TMEM131: variants seen among roughly 807,000 people sequenced by gnomAD.
TMEM131 encodes transmembrane protein 131, also known as 2610524E03Rik.
TMEM131 carries 66 observed loss-of-function variants against 211.6 expected under a neutral mutation model. The observed-to-expected ratio is 0.31, with a 90% CI of 0.26 to 0.38. The LOEUF is 0.38. Among genes scored for constraint, TMEM131 ranks in the 10% least tolerant of loss-of-function variants. TMEM131 has a pLI of 1.00. For missense variants in TMEM131, 2,036 were observed against 2,299.3 expected, an observed-to-expected ratio of 0.89 and a Z score of 2.34; for synonymous variants, 844 against 841.3, an observed-to-expected ratio of 1.00 and a Z score of -0.06.
chr2:97,934,882 T>C lies in TMEM131; in HGVS notation c.188-7395A>G, dbSNP rs112506559. The stretch of plus-strand genomic sequence containing the variant: ...CAAAAATTAACTCAAAATACATCAC[T>C]GCTCTAAATTTAAAATGTAAAACTA... On this transcript the variant is annotated intron_variant, in intron 1 of 40. Transcript: ENST00000186436. 1.4e-3 allele frequency among the ~76,000 whole-genome samples: 214 copies of C among 152,230 alleles called. 1 individual carries two copies. Among genetic ancestry groups the C allele is most frequent in the African/African-American group, 4.9e-3 (203 of 41,558 alleles).
At chr2:97,891,974 A>G (rs1346405139) in intron 3 of TMEM131, among the ~76,000 whole-genome samples, 1 of 152,196 alleles carries the variant, frequency 6.6e-6, no homozygotes, top group Non-Finnish European at 1.5e-5. Context: ...TGCCTTAACC[A>G]GTAAAACTAT....
At chr2:97,838,526 C>T (rs536241078) in intron 7 of TMEM131, among the ~76,000 whole-genome samples, 5 of 141,446 alleles carry the variant, frequency 3.5e-5, no homozygotes, top group Non-Finnish European at 6.0e-5. Context: ...CTCACTGCAA[C>T]CTCTGCCTCC....
chr2:97,845,759 C>CAAAAA (rs59502408), intron 5 of TMEM131, among the ~76,000 whole-genome samples: 130 of 122,188 alleles, frequency 1.1e-3, no homozygotes, highest in African/African-American at 3.6e-3. Flanking sequence ...CAGAAAGTAG[C>CAAAAA]AAAAAAAAAA....
chr2:97,776,140 G>A (rs891053636), intron 31 of TMEM131, 122 bp from the exon 32 acceptor site: 71 of 969,538 alleles, frequency 7.3e-5, no homozygotes, highest in Middle Eastern at 3.5e-4. Flanking sequence ...TGCAAGCTCC[G>A]CCTCCCGGGT....
At chr2:97,883,657 T>C (rs1254823633) in intron 4 of TMEM131, among the ~76,000 whole-genome samples, 1 of 152,226 alleles carries the variant, frequency 6.6e-6, no homozygotes, top group Non-Finnish European at 1.5e-5. Flanking sequence ...TAGTCATGGT[T>C]GTGTTTAAAT....
At chr2:97,919,474 CATT>C (rs1384788573) in intron 2 of TMEM131, among the ~76,000 whole-genome samples, 1 of 152,146 alleles carries the variant, frequency 6.6e-6, no homozygotes, top group Non-Finnish European at 1.5e-5. Flanking sequence ...TTTTGCCTCT[CATT>C]GTTTCAGTCT....
chr2:97,990,828 T>C (rs1478911303), intron 1 of TMEM131, among the ~76,000 whole-genome samples: 1 of 152,222 alleles, frequency 6.6e-6, no homozygotes, highest in Non-Finnish European at 1.5e-5. Context: ...AGTTTTGTAC[T>C]GTGTTTTGCA....
chr2:97,857,717 A>C (rs1343279954), intron 5 of TMEM131, among the ~76,000 whole-genome samples: 1 of 152,164 alleles, frequency 6.6e-6, no homozygotes, highest in Non-Finnish European at 1.5e-5. Context: ...GTGTAATATG[A>C]TATAAATCAC....
rs368510706 is a variant in TMEM131, at chr2:97,884,013, GTTGT to G, written c.359+4035_359+4038del. Among the ~76,000 whole-genome samples the G allele has an allele frequency of 1.6e-3, 242 of 151,982 alleles. 3 individuals carry two copies. The South Asian group carries it at 0.019, about 12-fold the overall frequency. On this transcript the variant is annotated intron_variant, in intron 4 of 40. Coordinates refer to ENST00000186436, the MANE Select transcript of TMEM131 (RefSeq NM_015348.2). The stretch of plus-strand genomic sequence containing the variant: ...CTAGTTCTTTAAGATGCATCATTAG[GTTGT>G]TTATTTGAAATCTTTCTAGTTTTTT...
chr2:97,924,218 T>C (rs1366293832), intron 2 of TMEM131, among the ~76,000 whole-genome samples: 1 of 151,428 alleles, frequency 6.6e-6, no homozygotes, highest in Non-Finnish European at 1.5e-5. Context: ...TCTGTCTCTA[T>C]AAAAAATACA....
chr2:97,860,105 A>G (rs1674005955), intron 4 of TMEM131, among the ~76,000 whole-genome samples: 1 of 152,214 alleles, frequency 6.6e-6, no homozygotes, highest in African/African-American at 2.4e-5. Context: ...ACTTTATTCT[A>G]TAGTCCACTT....
At chr2:97,842,514 A>AT (rs557179035) in intron 6 of TMEM131, among the ~76,000 whole-genome samples, 8 of 61,202 alleles carry the variant, frequency 1.3e-4, no homozygotes, top group African/African-American at 3.1e-4. Flanking sequence ...CAATAAAAAG[A>AT]TTTAAAAAAA....
intron 1 of TMEM131, among the ~76,000 whole-genome samples, chr2:97,985,281 T>C (rs1679974604): frequency 6.6e-6 from 1 of 152,038 alleles, no homozygotes; most frequent in Non-Finnish European, 1.5e-5. Context: ...AACATACATA[T>C]TAATATTAGA....
chr2:97,793,696 A>C, intron 29 of TMEM131, 143 bp from the exon 30 acceptor site: 2 of 840,548 alleles, frequency 2.4e-6, no homozygotes, highest in African/African-American at 1.7e-5. Context: ...CTTTTAACAG[A>C]CAAAACCCAC....
At chr2:97,894,355 C>A (rs1457617437) in intron 3 of TMEM131, among the ~76,000 whole-genome samples, 1 of 152,136 alleles carries the variant, frequency 6.6e-6, no homozygotes, top group Non-Finnish European at 1.5e-5. Flanking sequence ...GTTGTCTTGG[C>A]TACGTGGGTT....
At chr2:97,992,552 T>C (rs1399769447) in intron 1 of TMEM131, among the ~76,000 whole-genome samples, 1 of 152,194 alleles carries the variant, frequency 6.6e-6, no homozygotes, top group Non-Finnish European at 1.5e-5. Context: ...ATTTACTAGA[T>C]ACATAAACTA....
intron 1 of TMEM131, 104 bp from the exon 2 acceptor site, chr2:97,927,591 G>A: frequency 1.0e-6 from 1 of 959,426 alleles, no homozygotes; most frequent in Admixed American, 3.6e-5. Context: ...ATCTAAAAAT[G>A]GACTGCTTAA....
intron 1 of TMEM131, among the ~76,000 whole-genome samples, chr2:97,991,194 C>G (rs1241909786): frequency 6.6e-6 from 1 of 152,124 alleles, no homozygotes; most frequent in Non-Finnish European, 1.5e-5. Flanking sequence ...AAAGGTTCTG[C>G]CCTACAGAAA....
intron 2 of TMEM131, among the ~76,000 whole-genome samples, chr2:97,926,249 T>A (rs765162472): frequency 6.6e-6 from 1 of 152,204 alleles, no homozygotes; most frequent in Non-Finnish European, 1.5e-5. Context: ...CTCTCCCTGC[T>A]TTAGCTTAAA....
Sources: allele counts gnomAD v4.1 joint callset (sites outside exome capture counted in the v4.1 genomes callset), GRCh38; gene constraint gnomAD v4.1.1; transcripts MANE v1.5; gene names NCBI Gene and HGNC (gene_info 2026-07-23, HGNC 2026-07-21).